Variants in DSCAM observed in about 807,000 individuals in gnomAD.
DSCAM encodes cell adhesion molecule DSCAM.
DSCAM carries 47 observed loss-of-function variants against 217.7 expected under a neutral mutation model. The ratio of observed to expected loss-of-function variants is 0.22; its 90% CI spans 0.17 to 0.28. The LOEUF is 0.28. Ranked by LOEUF, DSCAM falls within the 10% of genes least tolerant of loss-of-function variation. The pLI is 1.00. For synonymous variants in DSCAM, 1,056 were observed against 1,015.3 expected, an observed-to-expected ratio of 1.04 and a Z score of -0.76; for missense variants, 2,080 against 2,618.3, an observed-to-expected ratio of 0.79 and a Z score of 4.49.
chr21:40,406,522 G>A (rs1294644142), intron 3 of DSCAM, among the ~76,000 whole-genome samples: 4 of 152,170 alleles, frequency 2.6e-5, no homozygotes, highest in Non-Finnish European at 1.5e-5. Context: ...AGGACATTAC[G>A]CTAAGTGAAA....
chr21:40,734,412 C>A (rs1243682533), intron 1 of DSCAM, among the ~76,000 whole-genome samples: 2 of 152,182 alleles, frequency 1.3e-5, no homozygotes, highest in Non-Finnish European at 2.9e-5. Flanking sequence ...TGCTTGGATG[C>A]AGGGAGCCTT....
intron 3 of DSCAM, among the ~76,000 whole-genome samples, chr21:40,377,811 G>A (rs1210374372): frequency 1.3e-5 from 2 of 152,100 alleles, no homozygotes; most frequent in Non-Finnish European, 2.9e-5. Flanking sequence ...GCCAGGGGAG[G>A]AGAGGACTTC....
intron 6 of DSCAM, among the ~76,000 whole-genome samples, chr21:40,346,993 AG>A (rs1313872706): frequency 1.3e-5 from 2 of 152,144 alleles, no homozygotes; most frequent in African/African-American, 4.8e-5. Flanking sequence ...AAGGGGCCAG[AG>A]ATGCTGCCAA....
intron 1 of DSCAM, among the ~76,000 whole-genome samples, chr21:40,724,088 T>A (rs549661047): frequency 6.6e-6 from 1 of 152,324 alleles, no homozygotes. Context: ...GTCACTCTCA[T>A]TAACATTGCT....
chr21:40,388,856 C>A (rs1268277048), intron 3 of DSCAM, among the ~76,000 whole-genome samples: 1 of 152,092 alleles, frequency 6.6e-6, no homozygotes. Flanking sequence ...TGTATTTTCT[C>A]CCCACATTTT....
At chr21:40,220,328 A>C (rs2091279523) in intron 11 of DSCAM, among the ~76,000 whole-genome samples, 1 of 152,208 alleles carries the variant, frequency 6.6e-6, no homozygotes, top group South Asian at 2.1e-4. Context: ...GTTTCATTTA[A>C]AGTGAATATA....
At chr21:40,678,576 T>G (rs1363793198) in intron 3 of DSCAM, among the ~76,000 whole-genome samples, 2 of 152,140 alleles carry the variant, frequency 1.3e-5, no homozygotes, top group African/African-American at 4.8e-5. Flanking sequence ...TTGCCATCCC[T>G]TTCCCCCATG....
At chr21:40,720,835 G>T (rs1401918398) in intron 1 of DSCAM, among the ~76,000 whole-genome samples, 1 of 152,178 alleles carries the variant, frequency 6.6e-6, no homozygotes, top group East Asian at 1.9e-4. Context: ...AGGGGACTAA[G>T]GCTGCTAGAA....
intron 3 of DSCAM, among the ~76,000 whole-genome samples, chr21:40,416,054 AT>A (rs529925235): frequency 2.0e-5 from 3 of 152,156 alleles, no homozygotes; most frequent in Non-Finnish European, 4.4e-5. Flanking sequence ...GTGCAAATAT[AT>A]TTTTTTCAAT....
chr21:40,817,449 G>A (rs2091889455), intron 1 of DSCAM, among the ~76,000 whole-genome samples: 2 of 152,140 alleles, frequency 1.3e-5, no homozygotes, highest in Non-Finnish European at 2.9e-5. Context: ...GACTTCCAAG[G>A]GAAGCAGGAT....
At chr21:40,582,247 T>G (rs183003907) in intron 3 of DSCAM, among the ~76,000 whole-genome samples, 1 of 152,348 alleles carries the variant, frequency 6.6e-6, no homozygotes, top group Non-Finnish European at 1.5e-5. Context: ...CTTGCTGAAG[T>G]GTTACAATAG....
rs148294278 is a variant in DSCAM at position 40,240,779 on chromosome 21, G to A, written c.2356+35318C>T. Among the ~76,000 whole-genome samples the A allele has an allele frequency of 2.2e-3, 339 of 152,172 alleles. 2 individuals carry two copies. Among genetic ancestry groups the A allele is most frequent in the African/African-American group, 7.2e-3 (297 of 41,518 alleles). Reference sequence around the variant, plus strand: ...GACAGGCATGCATGCCATTTGTGACGAGTGCCACTGATCCCCTTGTAACAG... The same window carrying A: ...GACAGGCATGCATGCCATTTGTGACAAGTGCCACTGATCCCCTTGTAACAG... On this transcript the variant is annotated intron_variant, in intron 11 of 32. Transcript: ENST00000400454.
intron 1 of DSCAM, among the ~76,000 whole-genome samples, chr21:40,769,013 T>G (rs920104639): frequency 1.3e-5 from 2 of 152,174 alleles, no homozygotes; most frequent in Non-Finnish European, 2.9e-5. Flanking sequence ...GTATGGTGAC[T>G]AAAATATTAG....
chr21:40,626,801 G>A (rs944535114), intron 3 of DSCAM, among the ~76,000 whole-genome samples: 2 of 152,168 alleles, frequency 1.3e-5, no homozygotes, highest in Admixed American at 6.5e-5. Flanking sequence ...ATAGTGGATG[G>A]TAAGTACATA....
chr21:40,673,021 A>G, intron 3 of DSCAM, among the ~76,000 whole-genome samples: 1 of 152,216 alleles, frequency 6.6e-6, no homozygotes, highest in Non-Finnish European at 1.5e-5. Context: ...TTATCCCTGC[A>G]TAAAAATCCA....
rs549391630 is a variant in DSCAM, at chr21:40,838,640, C to T, written c.43+7979G>A. 3.9e-5 allele frequency among the ~76,000 whole-genome samples: 6 copies of T among 152,280 alleles called. No homozygotes were observed. The South Asian group carries it at 8.3e-4, about 21-fold the overall frequency. ...GTAAAACCAGACTTAAAACTGTTTC[C>T]TGTTTCTTCATTTTAATACTAAAAG... On this transcript the variant is annotated intron_variant, in intron 1 of 32. Transcript: ENST00000400454.
chr21:40,558,186 A>G (rs1255783955), intron 3 of DSCAM, among the ~76,000 whole-genome samples: 1 of 152,186 alleles, frequency 6.6e-6, no homozygotes, highest in African/African-American at 2.4e-5. Flanking sequence ...TCTCTTTATC[A>G]GTTGTCATTA....
At chr21:40,686,235 CA>C (rs1478005621) in intron 3 of DSCAM, among the ~76,000 whole-genome samples, 1 of 150,226 alleles carries the variant, frequency 6.7e-6, no homozygotes, top group Non-Finnish European at 1.5e-5. Context: ...ACACAGAGCT[CA>C]CACACCACAC....
intron 21 of DSCAM, among the ~76,000 whole-genome samples, chr21:40,091,404 G>A (rs943830936): frequency 1.3e-5 from 2 of 152,020 alleles, no homozygotes; most frequent in African/African-American, 4.8e-5. Context: ...AGGGTCCAGT[G>A]TCCTGGACCT....
Sources: gnomAD v4.1 joint callset for allele counts (sites outside exome capture counted in the v4.1 genomes callset) on GRCh38, gnomAD v4.1.1 for gene constraint, MANE v1.5 for transcripts, NCBI Gene and HGNC (gene_info 2026-07-23, HGNC 2026-07-21) for gene names.